SOD2: variants seen among roughly 807,000 people sequenced by gnomAD.
The protein encoded by SOD2 is superoxide dismutase 2, also known as superoxide dismutase [Mn], mitochondrial.
SOD2 carries 11 observed loss-of-function variants against 27.0 expected under a neutral mutation model. That is an observed-to-expected ratio of 0.41 (90% CI 0.26 to 0.67). The LOEUF is 0.67. SOD2 is among the 30% of genes least tolerant of loss of function. The probability of loss-of-function intolerance (pLI) is 0.34; values close to 1 mark genes in which losing one functional copy is unlikely to be tolerated. For missense variants in SOD2, 250 were observed against 274.5 expected (o/e 0.91, Z 0.63); for synonymous variants, 105 against 103.0 (o/e 1.02, Z -0.12).
intron 1 of SOD2, chr6:159,755,760 C>CTTTTTTTTTTTTTTTTTTTTTTTTT (rs1779984995): frequency 5.3e-5 from 15 of 283,678 alleles, no homozygotes; most frequent in Admixed American, 2.7e-4. Flanking sequence ...TTTTTTTTTT[C>CTTTTTTTTTTTTTTTTTTTTTTTTT]TTTTCTTTTT....
At chr6:159,703,978 A>C (rs1777572081) in intron 1 of SOD2, among the ~76,000 whole-genome samples, 1 of 152,236 alleles carries the variant, frequency 6.6e-6, no homozygotes, top group African/African-American at 2.4e-5. Flanking sequence ...AAAACTGTTA[A>C]ACTTTTGTTT....
At chr6:159,736,535 C>G (rs960908077) in intron 1 of SOD2, 5 of 382,714 alleles carry the variant, frequency 1.3e-5, no homozygotes, top group Non-Finnish European at 4.7e-6. Flanking sequence ...ATAATATTCC[C>G]ATGGTCTACT....
exon 1 of SOD2, chr6:159,727,169 G>T (rs1021875840): frequency 9.2e-6 from 11 of 1,201,508 alleles, no homozygotes; most frequent in African/African-American, 3.2e-5. Context: ...CTCGCGCCAG[G>T]CTCCTGGGAA....
intron 1 of SOD2, 21 bp downstream of exon 1, chr6:159,693,124 C>A: frequency 1.3e-6 from 2 of 1,529,286 alleles, no homozygotes; most frequent in Non-Finnish European, 1.8e-6. Flanking sequence ...GGGGCCGTGA[C>A]CGGGTCCCCT....
intron 1 of SOD2, among the ~76,000 whole-genome samples, chr6:159,721,860 G>A (rs1172849183): frequency 6.6e-6 from 1 of 152,036 alleles, no homozygotes; most frequent in Non-Finnish European, 1.5e-5. Flanking sequence ...GTAGCCTGTA[G>A]AGTGATACTT....
At chr6:159,704,527 G>GC (rs1777585217) in intron 1 of SOD2, among the ~76,000 whole-genome samples, 1 of 152,236 alleles carries the variant, frequency 6.6e-6, no homozygotes, top group Admixed American at 6.5e-5. Flanking sequence ...CTTGCTCACT[G>GC]CTAGCACAGC....
At chr6:159,692,270 C>G (rs1021543155) in intron 2 of SOD2, 3 of 620,502 alleles carry the variant, frequency 4.8e-6, no homozygotes, top group Non-Finnish European at 7.0e-6. Context: ...CCTGAGAGAC[C>G]AAACATTTCC....
rs1779753506 is a variant in SOD2, at chr6:159,675,315, G to A, written c.*7178C>T. On this transcript the variant is annotated 3_prime_UTR_variant, in exon 5 of 5. Transcript: ENST00000538183. Reference sequence around the variant, plus strand: ...AACGATCCTAAGCCAAAAGAACAAAGCTGGAGGCATCACGCTACCTGATTT... The same window carrying A: ...AACGATCCTAAGCCAAAAGAACAAAACTGGAGGCATCACGCTACCTGATTT... 6.6e-6 allele frequency: 1 copy of A among 152,206 alleles called. No homozygotes were observed. Among genetic ancestry groups the A allele is most frequent in the African/African-American group, 2.4e-5 (1 of 41,436 alleles). 9.4% of individuals were successfully genotyped at this position (152,206 alleles called of 1,614,324 possible). A position where few individuals can be genotyped will look rare whatever the true frequency, so the allele number is the denominator to read the frequency against.
chr6:159,695,812 G>A (rs1777412648), upstream of SOD2, among the ~76,000 whole-genome samples: 1 of 151,870 alleles, frequency 6.6e-6, no homozygotes, highest in South Asian at 2.1e-4. Context: ...TTTTTTTTAG[G>A]TGGCCACTGT....
At chr6:159,752,826 A>G (rs888615585) in intron 1 of SOD2, among the ~76,000 whole-genome samples, 41 of 152,286 alleles carry the variant, frequency 2.7e-4, no homozygotes, top group African/African-American at 9.4e-4. Context: ...CACAGCGTCA[A>G]CCACTTGGGC....
intron 4 of SOD2, 37 bp from the exon 5 acceptor site, chr6:159,682,675 T>A: frequency 6.3e-7 from 1 of 1,588,106 alleles, no homozygotes; most frequent in Non-Finnish European, 8.6e-7. Context: ...CAACCATCAG[T>A]TTCAGTCTAA....
chr6:159,712,550 C>G (rs1422635270), intron 1 of SOD2, among the ~76,000 whole-genome samples: 1 of 148,748 alleles, frequency 6.7e-6, no homozygotes, highest in Non-Finnish European at 1.5e-5. Context: ...CCATAACCAC[C>G]TCCATAACCA....
chr6:159,688,296 C>T (rs1780287935), intron 2 of SOD2, 54 bp from the exon 3 acceptor site: 1 of 995,844 alleles, frequency 1.0e-6, no homozygotes, highest in African/African-American at 1.6e-5. Context: ...TTTTCAACCA[C>T]TGTATACATT....
At chr6:159,737,732 T>C (rs965407051) in intron 1 of SOD2, among the ~76,000 whole-genome samples, 6 of 152,170 alleles carry the variant, frequency 3.9e-5, no homozygotes, top group African/African-American at 1.4e-4. Flanking sequence ...GTTCAAGATA[T>C]ACTCCCGCCT....
At chr6:159,740,142 GC>G (rs1431128392) in intron 1 of SOD2, among the ~76,000 whole-genome samples, 1 of 151,504 alleles carries the variant, frequency 6.6e-6, no homozygotes, top group Non-Finnish European at 1.5e-5. Flanking sequence ...ACCATGCCTG[GC>G]CATGATTTTT....
At chr6:159,684,369 G>C (rs1030952557) in intron 4 of SOD2, among the ~76,000 whole-genome samples, 1 of 152,132 alleles carries the variant, frequency 6.6e-6, no homozygotes, top group African/African-American at 2.4e-5. Context: ...TGTAATCCCA[G>C]CACTTCAGGA....
chr6:159,742,626 C>G (rs373058703), intron 1 of SOD2, among the ~76,000 whole-genome samples: 1 of 152,104 alleles, frequency 6.6e-6, no homozygotes, highest in African/African-American at 2.4e-5. Flanking sequence ...ATTTTAGTCT[C>G]ACTTTTTACT....
intron 1 of SOD2, among the ~76,000 whole-genome samples, chr6:159,704,853 A>G (rs980320299): frequency 2.0e-5 from 3 of 152,240 alleles, no homozygotes; most frequent in African/African-American, 4.8e-5. Flanking sequence ...ACCCCTGAGT[A>G]GCCTAACTGG....
At chr6:159,726,461 G>C (rs1430849359) in intron 1 of SOD2, 4 of 223,084 alleles carry the variant, frequency 1.8e-5, no homozygotes, top group Non-Finnish European at 3.7e-5. Context: ...CACTCCTTTG[G>C]GGATGAACAG....
Sources: allele counts gnomAD v4.1 joint callset (sites outside exome capture counted in the v4.1 genomes callset), GRCh38; gene constraint gnomAD v4.1.1; transcripts MANE v1.5; gene names NCBI Gene and HGNC (gene_info 2026-07-23, HGNC 2026-07-21).